UBE2E2: variants seen among roughly 807,000 people sequenced by gnomAD.
UBE2E2 encodes the protein ubiquitin-conjugating enzyme E2 E2.
In UBE2E2, 6 loss-of-function variants were observed where a neutral mutation model predicts 24.7. The ratio of observed to expected loss-of-function variants is 0.24; its 90% CI spans 0.13 to 0.48. The LOEUF (loss-of-function observed/expected upper bound fraction) is 0.48, where lower values mean the gene tolerates loss of function less well. Ranked by LOEUF, UBE2E2 falls within the 20% of genes least tolerant of loss-of-function variation. The pLI is 0.99. For missense variants in UBE2E2, 169 were observed against 245.0 expected (o/e 0.69, Z 2.07); for synonymous variants, 104 against 83.6 (o/e 1.24, Z -1.33).
chr3:23,262,024 T>TA (rs1697915452), intron 3 of UBE2E2, among the ~76,000 whole-genome samples: 1 of 152,230 alleles, frequency 6.6e-6, no homozygotes, highest in Non-Finnish European at 1.5e-5. Context: ...GTTCTAGTTT[T>TA]AATTTTTTGA....
intron 4 of UBE2E2, among the ~76,000 whole-genome samples, chr3:23,509,673 A>G (rs887770297): frequency 5.3e-5 from 8 of 151,754 alleles, no homozygotes; most frequent in African/African-American, 1.9e-4. Context: ...GGCGTGCTGC[A>G]CCCGTTAACT....
intron 3 of UBE2E2, among the ~76,000 whole-genome samples, chr3:23,362,726 C>T (rs1409893492): frequency 6.6e-6 from 1 of 152,152 alleles, no homozygotes; most frequent in Admixed American, 6.5e-5. Flanking sequence ...TGCAACCTCC[C>T]TTTGTCCTGG....
chr3:23,452,620 C>T (rs1187849471), intron 3 of UBE2E2, among the ~76,000 whole-genome samples: 1 of 152,080 alleles, frequency 6.6e-6, no homozygotes, highest in Non-Finnish European at 1.5e-5. Flanking sequence ...CTTTATTAGG[C>T]TAGGTGATAA....
intron 3 of UBE2E2, among the ~76,000 whole-genome samples, chr3:23,437,829 C>T (rs1575628848): frequency 6.6e-6 from 1 of 152,226 alleles, no homozygotes; most frequent in African/African-American, 2.4e-5. Flanking sequence ...GCATCCTCAG[C>T]ATTGTGTGCC....
intron 3 of UBE2E2, among the ~76,000 whole-genome samples, chr3:23,390,946 T>C (rs541174975): frequency 2.1e-3 from 318 of 152,330 alleles, no homozygotes; most frequent in African/African-American, 7.5e-3. Context: ...TAAGTAATAA[T>C]GTAGATATAC....
chr3:23,502,910 G>A (rs995898651), intron 4 of UBE2E2, among the ~76,000 whole-genome samples: 3 of 152,062 alleles, frequency 2.0e-5, no homozygotes, highest in Admixed American at 1.3e-4. Context: ...ATTGTCCATT[G>A]CATTTGATGT....
At chr3:23,524,869 C>CACACACACACACAG (rs1694956960) in intron 4 of UBE2E2, among the ~76,000 whole-genome samples, 1 of 150,564 alleles carries the variant, frequency 6.6e-6, no homozygotes, top group African/African-American at 2.4e-5. Context: ...CACACAGACA[C>CACACACACACACAG]ACACACACAC....
intron 3 of UBE2E2, among the ~76,000 whole-genome samples, chr3:23,455,700 A>G (rs1422872613): frequency 6.6e-6 from 1 of 152,174 alleles, no homozygotes; most frequent in East Asian, 1.9e-4. Flanking sequence ...CTTAAAAAGA[A>G]AAATAAGAAA....
intron 3 of UBE2E2, among the ~76,000 whole-genome samples, chr3:23,273,171 A>G (rs1369466777): frequency 6.6e-6 from 1 of 152,228 alleles, no homozygotes; most frequent in Non-Finnish European, 1.5e-5. Context: ...TTCTAAAACA[A>G]TTTTATATAG....
At chr3:23,364,090 A>G (rs552985697) in intron 3 of UBE2E2, among the ~76,000 whole-genome samples, 4 of 152,286 alleles carry the variant, frequency 2.6e-5, no homozygotes, top group African/African-American at 9.6e-5. Flanking sequence ...ACAACATACC[A>G]GAATCTCTGG....
At chr3:23,467,174 ATCAGG>A (rs1698937028) in intron 3 of UBE2E2, among the ~76,000 whole-genome samples, 5 of 152,230 alleles carry the variant, frequency 3.3e-5, no homozygotes, top group Admixed American at 3.3e-4. Flanking sequence ...GTAACTGTTT[ATCAGG>A]TAATATACAG....
At chr3:23,302,215 A>G (rs372552658) in intron 3 of UBE2E2, among the ~76,000 whole-genome samples, 6 of 151,978 alleles carry the variant, frequency 3.9e-5, no homozygotes, top group South Asian at 2.1e-4. Flanking sequence ...CTCTACTTCT[A>G]TTTTCAAAAG....
chr3:23,412,115 C>T (rs1414141852), intron 3 of UBE2E2, among the ~76,000 whole-genome samples: 1 of 152,050 alleles, frequency 6.6e-6, no homozygotes. Flanking sequence ...AAGTAGAAAG[C>T]TCCCCCCAAG....
chr3:23,492,865 A>G, intron 3 of UBE2E2, among the ~76,000 whole-genome samples: 1 of 152,278 alleles, frequency 6.6e-6, no homozygotes, highest in East Asian at 1.9e-4. Flanking sequence ...CCTAGTAGCC[A>G]CATTAAAAAG....
At chr3:23,558,490 GT>G (rs1261946923) in intron 5 of UBE2E2, among the ~76,000 whole-genome samples, 2 of 152,098 alleles carry the variant, frequency 1.3e-5, no homozygotes, top group Non-Finnish European at 2.9e-5. Context: ...AGATTATGAC[GT>G]TTGTACCATC....
At chr3:23,214,949 A>T (rs1031126438) in intron 2 of UBE2E2, among the ~76,000 whole-genome samples, 3 of 152,066 alleles carry the variant, frequency 2.0e-5, no homozygotes, top group African/African-American at 7.2e-5. Context: ...TGAATTGTTA[A>T]TTGAAGTAAT....
In UBE2E2 at chr3:23,577,404, A is replaced by G. The variant is rs1323753029; in HGVS notation, c.509-12330A>G. 4.6e-5 allele frequency among the ~76,000 whole-genome samples: 7 copies of G among 152,072 alleles called. No individual in the cohort carries two copies. In the Middle Eastern group the frequency reaches 0.01, roughly 223 times the overall value. On this transcript the variant is annotated intron_variant, in intron 5 of 5. Coordinates refer to ENST00000396703, the MANE Select transcript of UBE2E2 (RefSeq NM_152653.4). ...GTCTGGATAGACAGTCAGACCAGCT[A>G]CAACACTCCCTTAAGCCAAAGCCTA...
chr3:23,565,278 A>G (rs76258831), intron 5 of UBE2E2, among the ~76,000 whole-genome samples: 3 of 151,914 alleles, frequency 2.0e-5, no homozygotes, highest in East Asian at 3.9e-4. Context: ...GAATTAGCCA[A>G]ATAGGGAGGG....
At chr3:23,340,431 G>C (rs577304111) in intron 3 of UBE2E2, among the ~76,000 whole-genome samples, 16 of 152,118 alleles carry the variant, frequency 1.1e-4, no homozygotes, top group African/African-American at 3.6e-4. Flanking sequence ...TATGAAATCT[G>C]AACAGTTGAT....
Sources: gnomAD v4.1 joint callset for allele counts (sites outside exome capture counted in the v4.1 genomes callset) on GRCh38, gnomAD v4.1.1 for gene constraint, MANE v1.5 for transcripts, NCBI Gene and HGNC (gene_info 2026-07-23, HGNC 2026-07-21) for gene names.